The following FOXP2 variants were observed in gnomAD, a reference collection of about 807,000 sequenced individuals.
FOXP2 encodes forkhead box protein P2.
A neutral mutation model predicts 115.8 loss-of-function variants in FOXP2; 12 were observed. The ratio of observed to expected loss-of-function variants is 0.10; its 90% confidence interval spans 0.07 to 0.17. The LOEUF is 0.17. FOXP2 is among the 10% of genes least tolerant of loss of function. The pLI, the probability that FOXP2 is intolerant of heterozygous loss-of-function variation, is 1.00. For missense variants in FOXP2, 629 were observed against 843.5 expected, an observed-to-expected ratio of 0.75 and a Z score of 3.15; for synonymous variants, 328 against 297.7, an observed-to-expected ratio of 1.10 and a Z score of -1.05.
At chr7:114,304,501 C>T (rs1796958164) in intron 2 of FOXP2, among the ~76,000 whole-genome samples, 1 of 151,516 alleles carries the variant, frequency 6.6e-6, no homozygotes, top group Non-Finnish European at 1.5e-5. Flanking sequence ...ACAAAATTAT[C>T]TCTGCTAAAA....
chr7:114,514,926 T>A (rs1480801332), intron 2 of FOXP2, among the ~76,000 whole-genome samples: 2 of 150,470 alleles, frequency 1.3e-5, no homozygotes, highest in Non-Finnish European at 3.0e-5. Context: ...GTCCATGTGT[T>A]CTCATTGTTC....
chr7:114,114,588 C>T (rs1426673328), intron 1 of FOXP2, among the ~76,000 whole-genome samples: 1 of 151,972 alleles, frequency 6.6e-6, no homozygotes, highest in African/African-American at 2.4e-5. Flanking sequence ...TCCATTGTGC[C>T]ATAGATGAAT....
chr7:114,602,588 A>G (rs1209654845), intron 3 of FOXP2, among the ~76,000 whole-genome samples: 8 of 151,992 alleles, frequency 5.3e-5, no homozygotes, highest in Non-Finnish European at 1.0e-4. Flanking sequence ...ATAATATTTT[A>G]TCTGTATTCC....
At chr7:114,188,404 T>G (rs1465792435) in intron 1 of FOXP2, among the ~76,000 whole-genome samples, 4 of 152,198 alleles carry the variant, frequency 2.6e-5, no homozygotes, top group Non-Finnish European at 5.9e-5. Context: ...CTTGTCACTG[T>G]TGGGAATTTT....
chr7:114,669,637 T>G (rs1292447099), intron 16 of FOXP2: 1 of 152,078 alleles, frequency 6.6e-6, no homozygotes, highest in Non-Finnish European at 1.5e-5. Flanking sequence ...TGATGCTGTC[T>G]TTAAGCAGAA....
chr7:114,352,832 T>A lies in FOXP2; in HGVS notation c.-11+64723T>A, dbSNP rs140124976. 7.9e-5 allele frequency among the ~76,000 whole-genome samples: 12 copies of A among 152,294 alleles called. 1 individual carries two copies. In the East Asian group the frequency reaches 2.3e-3, roughly 29 times the overall value. ...GTGGGTGCAATTTAGCATATAATAA[T>A]GGCTCTTAGAATAATTCTAATAGTT... On this transcript the variant is annotated intron_variant, in intron 2 of 17. Transcript: ENST00000634411.
At chr7:114,239,863 C>T (rs1315649484) in intron 1 of FOXP2, among the ~76,000 whole-genome samples, 7 of 152,170 alleles carry the variant, frequency 4.6e-5, no homozygotes, top group African/African-American at 1.7e-4. Flanking sequence ...TGCACACACA[C>T]ACACAAATGT....
In FOXP2 at chr7:114,334,931, C is replaced by CTCTCTCTCTATATATATATA. The variant is rs1554371352; in HGVS notation, c.-11+46823_-11+46824insCTCTCTCTATATATATATAT. 2.5e-5 allele frequency among the ~76,000 whole-genome samples: 3 copies of CTCTCTCTCTATATATATATA among 119,326 alleles called. No individual in the cohort carries two copies. In the South Asian group the frequency reaches 8.6e-4, roughly 34 times the overall value. The allele number at this position is 119,326 out of a possible 152,430, so 78.3% of individuals were successfully genotyped here. A position where few individuals can be genotyped will look rare whatever the true frequency, so the allele number is the denominator to read the frequency against. On this transcript the variant is annotated intron_variant, in intron 2 of 17. Coordinates refer to the FOXP2 transcript ENST00000634411. Reference sequence around the variant, plus strand: ...ATATATATTTTATATATATAGAAATCTATATATATATATATATATATATAT... The same window carrying CTCTCTCTCTATATATATATA: ...ATATATATTTTATATATATAGAAATCTCTCTCTCTATATATATATATATATATATATATATATATATATAT...
chr7:114,393,595 A>G (rs1164468632), intron 2 of FOXP2, among the ~76,000 whole-genome samples: 1 of 152,042 alleles, frequency 6.6e-6, no homozygotes, highest in Non-Finnish European at 1.5e-5. Flanking sequence ...AAAACCACAG[A>G]TGAAAGGTAA....
intron 2 of FOXP2, among the ~76,000 whole-genome samples, chr7:114,373,787 A>G (rs1792072777): frequency 6.6e-6 from 1 of 152,210 alleles, no homozygotes; most frequent in South Asian, 2.1e-4. Context: ...TTTATGCTTT[A>G]TAGTATCTGT....
At chr7:114,518,654 C>A (rs887171692) in intron 2 of FOXP2, among the ~76,000 whole-genome samples, 1 of 152,058 alleles carries the variant, frequency 6.6e-6, no homozygotes, top group Non-Finnish European at 1.5e-5. Flanking sequence ...AGGCATGGGC[C>A]ACCATGCCCA....
chr7:114,404,646 A>G (rs1184858506), intron 2 of FOXP2, among the ~76,000 whole-genome samples: 1 of 152,122 alleles, frequency 6.6e-6, no homozygotes, highest in Non-Finnish European at 1.5e-5. Context: ...TATAATAGGT[A>G]AACTACTGTG....
Position 114,691,032 on chromosome 7 carries a change from A to G in FOXP2, c.*1106A>G, listed in dbSNP as rs1388966148. The G allele has an allele frequency of 6.6e-6, 3 of 454,248 alleles. No individual in the cohort carries two copies. Among genetic ancestry groups the G allele is most frequent in the African/African-American group, 2.0e-5 (1 of 50,136 alleles). 28.1% of individuals were successfully genotyped at this position (454,248 alleles called of 1,614,324 possible). On this transcript the variant is annotated 3_prime_UTR_variant, in exon 17 of 17. Transcript: ENST00000350908. ...TTTCATTAAAGACAGAGGTGAGGACAAAATCCGCAGTGGAAGTTATGATAT... is the reference window on the plus strand; with the variant it reads ...TTTCATTAAAGACAGAGGTGAGGACGAAATCCGCAGTGGAAGTTATGATAT...
chr7:114,107,771 A>G (rs530775161), intron 1 of FOXP2, among the ~76,000 whole-genome samples: 1 of 152,066 alleles, frequency 6.6e-6, no homozygotes, highest in Admixed American at 6.6e-5. Flanking sequence ...GAAGGGCTTC[A>G]TTTTGATTGG....
chr7:114,607,687 G>A (rs1803403713), intron 3 of FOXP2, among the ~76,000 whole-genome samples: 2 of 152,124 alleles, frequency 1.3e-5, no homozygotes, highest in Non-Finnish European at 2.9e-5. Context: ...TAATAATAGG[G>A]AGAGAATGGA....
At chr7:114,583,504 A>G (rs777417422) in intron 3 of FOXP2, among the ~76,000 whole-genome samples, 3 of 152,106 alleles carry the variant, frequency 2.0e-5, no homozygotes, top group Non-Finnish European at 2.9e-5. Flanking sequence ...CTGTGTCCAG[A>G]TAATTGTCCA....
At chr7:114,261,079 TTTTG>T (rs1795737809) in intron 1 of FOXP2, among the ~76,000 whole-genome samples, 1 of 152,198 alleles carries the variant, frequency 6.6e-6, no homozygotes. Context: ...TGAAGTTCCC[TTTTG>T]TTTGGTTTAC....
At chr7:114,155,140 A>G (rs1259718220) in intron 1 of FOXP2, among the ~76,000 whole-genome samples, 5 of 152,140 alleles carry the variant, frequency 3.3e-5, no homozygotes, top group Admixed American at 1.3e-4. Flanking sequence ...GACCCTATAT[A>G]TGTTGGGTAT....
rs141080594 is a variant in FOXP2, at chr7:114,254,611, A to C, written c.-101-33408A>C. On this transcript the variant is annotated intron_variant, in intron 1 of 17. Transcript: ENST00000634411. ...AGCTACTGAAGCTTGGGCATTCGTC[A>C]CGTAGTTCTAGTGCCATGGTTTTCA... is the stretch of plus-strand genomic sequence containing the variant. 2.7e-3 allele frequency among the ~76,000 whole-genome samples: 414 copies of C among 152,118 alleles called. 2 individuals carry two copies. In the East Asian group the frequency reaches 0.029, roughly 10 times the overall value.
Sources: gnomAD v4.1 joint callset for allele counts (sites outside exome capture counted in the v4.1 genomes callset) on GRCh38, gnomAD v4.1.1 for gene constraint, MANE v1.5 for transcripts, NCBI Gene and HGNC (gene_info 2026-07-23, HGNC 2026-07-21) for gene names.